Variants in SH3RF1 observed in about 807,000 individuals in gnomAD.
The protein encoded by SH3RF1 is E3 ubiquitin-protein ligase SH3RF1.
SH3RF1 carries 32 observed loss-of-function variants against 74.0 expected under a neutral mutation model. That is an observed-to-expected ratio of 0.43 (90% CI 0.33 to 0.58). The LOEUF (loss-of-function observed/expected upper bound fraction) is 0.58. Ranked by LOEUF, SH3RF1 falls within the 20% of genes least tolerant of loss-of-function variation. SH3RF1 has a pLI of 0.05. For synonymous variants in SH3RF1, 396 were observed against 439.6 expected (o/e 0.90, Z 1.24); for missense variants, 954 against 1,130.9 (o/e 0.84, Z 2.24).
chr4:169,196,482 G>A lies in SH3RF1; in HGVS notation c.394-39803C>T, dbSNP rs557856295. On this transcript the variant is annotated intron_variant, in intron 2 of 11. Coordinates refer to ENST00000284637, the MANE Select transcript of SH3RF1 (RefSeq NM_020870.4). ...GGTGTGCTACTGCTTTTGCAAAACT[G>A]TTAGTAGAAGTAATTTGAGAACTAG... Among the ~76,000 whole-genome samples the A allele has an allele frequency of 6.6e-5, 10 of 152,312 alleles. 1 individual carries two copies. The highest frequency in any genetic ancestry group is 2.2e-4 in the African/African-American group (9 of 41,576).
intron 8 of SH3RF1, among the ~76,000 whole-genome samples, chr4:169,119,577 G>A (rs1450395353): frequency 2.6e-5 from 4 of 152,106 alleles, no homozygotes; most frequent in African/African-American, 7.2e-5. Flanking sequence ...GCACCAGGGA[G>A]GTTCTATCTG....
At chr4:169,233,358 G>A (rs1450125698) in intron 2 of SH3RF1, among the ~76,000 whole-genome samples, 1 of 151,082 alleles carries the variant, frequency 6.6e-6, no homozygotes, top group Admixed American at 6.6e-5. Flanking sequence ...ATGTACAGTA[G>A]CATATATATC....
chr4:169,181,450 A>G (rs1734509110), intron 2 of SH3RF1, among the ~76,000 whole-genome samples: 1 of 151,608 alleles, frequency 6.6e-6, no homozygotes, highest in Admixed American at 6.6e-5. Context: ...TTTTGTAGAG[A>G]CGGGGTTTCA....
chr4:169,115,392 C>T (rs570566617), intron 10 of SH3RF1, among the ~76,000 whole-genome samples: 9 of 152,272 alleles, frequency 5.9e-5, no homozygotes, highest in South Asian at 2.1e-4. Context: ...GCCTGAGCTC[C>T]GCCTCCTGTC....
chr4:169,206,334 G>A (rs1192002194), intron 2 of SH3RF1, among the ~76,000 whole-genome samples: 2 of 152,092 alleles, frequency 1.3e-5, no homozygotes, highest in Non-Finnish European at 2.9e-5. Flanking sequence ...AGTGACCCAC[G>A]CCCACCTAGG....
intron 2 of SH3RF1, among the ~76,000 whole-genome samples, chr4:169,265,247 G>C (rs1439558433): frequency 6.6e-6 from 1 of 152,172 alleles, no homozygotes; most frequent in Non-Finnish European, 1.5e-5. Flanking sequence ...CCAGCAGCTA[G>C]TGTAGTGCCC....
At chr4:169,161,615 C>A (rs1734148928) in intron 2 of SH3RF1, among the ~76,000 whole-genome samples, 1 of 152,192 alleles carries the variant, frequency 6.6e-6, no homozygotes, top group South Asian at 2.1e-4. Context: ...AATTCAAATT[C>A]CTTCATGCAT....
At chr4:169,268,493 T>C (rs1731390008) in intron 2 of SH3RF1, among the ~76,000 whole-genome samples, 1 of 152,230 alleles carries the variant, frequency 6.6e-6, no homozygotes, top group Admixed American at 6.5e-5. Flanking sequence ...ATCAAAATGA[T>C]AAAATACCAA....
At chr4:169,228,546 C>T (rs549549219) in intron 2 of SH3RF1, among the ~76,000 whole-genome samples, 17 of 152,302 alleles carry the variant, frequency 1.1e-4, no homozygotes, top group South Asian at 2.1e-4. Context: ...TCTTCTGCCT[C>T]GCTATTCCAC....
chr4:169,196,996 T>C (rs1009735600), intron 2 of SH3RF1, among the ~76,000 whole-genome samples: 5 of 152,138 alleles, frequency 3.3e-5, no homozygotes, highest in African/African-American at 1.2e-4. Flanking sequence ...CTTAATTCTA[T>C]TACTTTAATT....
intron 2 of SH3RF1, among the ~76,000 whole-genome samples, chr4:169,167,482 T>A (rs995656625): frequency 6.6e-6 from 1 of 152,168 alleles, no homozygotes; most frequent in Non-Finnish European, 1.5e-5. Flanking sequence ...CACACCCAGA[T>A]TTGTACAAAA....
At chr4:169,185,575 T>C (rs1734587265) in intron 2 of SH3RF1, among the ~76,000 whole-genome samples, 1 of 152,078 alleles carries the variant, frequency 6.6e-6, no homozygotes, top group East Asian at 1.9e-4. Flanking sequence ...GAAAGTGAGA[T>C]AAAGAAAGGT....
intron 2 of SH3RF1, among the ~76,000 whole-genome samples, chr4:169,169,950 T>C (rs974953735): frequency 1.3e-5 from 2 of 152,188 alleles, no homozygotes; most frequent in Non-Finnish European, 2.9e-5. Flanking sequence ...ATTGCCTTTA[T>C]GCTCTAATTT....
chr4:169,136,625 A>C lies in SH3RF1; in HGVS notation c.766-5T>G, dbSNP rs1733707259. On this transcript the variant is annotated splice_region_variant and splice_polypyrimidine_tract_variant and intron_variant, in intron 4 of 11. Coordinates refer to ENST00000284637, the MANE Select transcript of SH3RF1 (RefSeq NM_020870.4). ...CTGCTTAGCAGCCGAGTTAAACTGC[A>C]AAAGCAACCAACAAACCAACACAAG... 3 of 1,493,738 alleles carry C rather than the reference A, an allele frequency of 2.0e-6. 1 individual carries two copies. In the South Asian group the frequency reaches 4.2e-5, roughly 21 times the overall value. The allele number at this position is 1,493,738 out of a possible 1,614,324, so 92.5% of individuals were successfully genotyped here. A position where few individuals can be genotyped will look rare whatever the true frequency, so the allele number is the denominator to read the frequency against.
intron 8 of SH3RF1, among the ~76,000 whole-genome samples, chr4:169,119,278 A>ATTTTTTTTTTTT (rs11397253): frequency 1.5e-5 from 1 of 66,410 alleles, no homozygotes; most frequent in Non-Finnish European, 2.8e-5. Context: ...TAATTTTTGT[A>ATTTTTTTTTTTT]TTTTTTTTTT....
At chr4:169,268,434 A>G (rs1731388717) in intron 2 of SH3RF1, among the ~76,000 whole-genome samples, 1 of 152,214 alleles carries the variant, frequency 6.6e-6, no homozygotes, top group Non-Finnish European at 1.5e-5. Flanking sequence ...TACTTACAAC[A>G]TATATACTAC....
rs1380515391 is a variant in SH3RF1 at position 169,106,976 on chromosome 4, A to G, written c.2369T>C (p.Leu790Pro). 8.7e-6 allele frequency: 14 copies of G among 1,613,898 alleles called. No homozygotes were observed. The South Asian group carries it at 1.5e-4, about 18-fold the overall frequency. Residue 790 changes from leucine to proline, a missense_variant, in exon 11 of 12, where the codon CTG becomes CCG. Transcript: ENST00000284637. ...PVTTAVAGAALAQDAFHRKAS... is the reference protein window; with the variant it reads ...PVTTAVAGAAPAQDAFHRKAS... ...CTTCCTATGAAAAGCATCCTGGGCC[A>G]GGGCTGCTCCTGCCACTGCAGTCGT... is the stretch of plus-strand genomic sequence containing the variant.
intron 2 of SH3RF1, among the ~76,000 whole-genome samples, chr4:169,246,662 T>C (rs1238162406): frequency 2.0e-5 from 3 of 152,270 alleles, no homozygotes; most frequent in Non-Finnish European, 4.4e-5. Context: ...TTAAAAGACC[T>C]GTTTGGAATC....
At chr4:169,194,018 G>T (rs1224518788) in intron 2 of SH3RF1, among the ~76,000 whole-genome samples, 2 of 152,072 alleles carry the variant, frequency 1.3e-5, no homozygotes, top group East Asian at 1.9e-4. Context: ...TTGTAAAAAG[G>T]GGCTAGCCTA....
Sources: gnomAD v4.1 joint callset for allele counts (sites outside exome capture counted in the v4.1 genomes callset) on GRCh38, gnomAD v4.1.1 for gene constraint, MANE v1.5 for transcripts, NCBI Gene and HGNC (gene_info 2026-07-23, HGNC 2026-07-21) for gene names.